Variants in SMC1B observed in about 807,000 individuals in gnomAD.
SMC1B encodes structural maintenance of chromosomes 1B, also known as structural maintenance of chromosomes protein 1B.
Under a neutral mutation model 157.9 loss-of-function variants are expected in SMC1B, and 60 were observed. That is an observed-to-expected ratio of 0.38 (90% CI 0.31 to 0.47). The LOEUF (loss-of-function observed/expected upper bound fraction) is 0.47, where lower values mean the gene tolerates loss of function less well. Ranked by LOEUF, SMC1B falls within the 20% of genes least tolerant of loss-of-function variation. The pLI, the probability that SMC1B is intolerant of heterozygous loss-of-function variation, is 0.99. For missense variants in SMC1B, 1,165 were observed against 1,426.2 expected, an observed-to-expected ratio of 0.82 and a Z score of 2.95; for synonymous variants, 445 against 483.0, an observed-to-expected ratio of 0.92 and a Z score of 1.03.
intron 18 of SMC1B, 92 bp downstream of exon 18, chr22:45,359,713 A>C (rs2086702491): frequency 2.9e-6 from 4 of 1,393,682 alleles, no homozygotes; most frequent in Admixed American, 4.0e-5. Flanking sequence ...ACCACCCCTA[A>C]AGGGGCTACA....
At chr22:45,371,986 C>T (rs1036530830) in intron 13 of SMC1B, among the ~76,000 whole-genome samples, 169 bp downstream of exon 13, 17 of 150,824 alleles carry the variant, frequency 1.1e-4, no homozygotes, top group South Asian at 6.3e-4. Context: ...GAGGTTGCAG[C>T]GAACAGAAAT....
intron 19 of SMC1B, among the ~76,000 whole-genome samples, chr22:45,355,631 A>G (rs1331643657): frequency 6.6e-6 from 1 of 152,176 alleles, no homozygotes; most frequent in Non-Finnish European, 1.5e-5. Flanking sequence ...GACTTCTAAT[A>G]GGGCAAGCAT....
chr22:45,405,323 G>A (rs1569200085), intron 4 of SMC1B, among the ~76,000 whole-genome samples: 2 of 152,264 alleles, frequency 1.3e-5, no homozygotes, highest in South Asian at 4.1e-4. Context: ...CACTTTGGGA[G>A]GCCGAGGCAG....
chr22:45,393,983 T>G (rs944384360), intron 8 of SMC1B, 142 bp from the exon 9 acceptor site: 2 of 620,954 alleles, frequency 3.2e-6, no homozygotes, highest in Non-Finnish European at 5.5e-6. Flanking sequence ...GCAATAAACC[T>G]GACACCAAAC....
chr22:45,395,295 T>A (rs2087110457), intron 7 of SMC1B, among the ~76,000 whole-genome samples: 1 of 152,180 alleles, frequency 6.6e-6, no homozygotes, highest in African/African-American at 2.4e-5. Context: ...GGATGAGGAT[T>A]TCGGGAAAGT....
At chr22:45,409,564 C>CTAAATAAA (rs71770434) in intron 1 of SMC1B, among the ~76,000 whole-genome samples, 250 of 140,828 alleles carry the variant, frequency 1.8e-3, no homozygotes, top group Middle Eastern at 0.014. Context: ...GACTCCAACT[C>CTAAATAAA]TAAATAAATA....
rs760486299 is a variant in SMC1B at position 45,399,169 on chromosome 22, A to G, written c.1039T>C (p.Trp347Arg). 2 of 1,613,964 alleles carry G rather than the reference A, an allele frequency of 1.2e-6. No individual in the cohort carries two copies. The highest frequency in any genetic ancestry group is 1.7e-6 in the Non-Finnish European group (2 of 1,179,930). ...ETELADLDAA[W>R]RSFEKQIEEE... ...TCAATCTGCTTTTCAAAACTTCTCC[A>G]TGCAGCATCTAAATCAGCCAGCTCT... The change falls in exon 6 of 25, where the codon TGG becomes CGG. Residue 347 changes from tryptophan (W) to arginine (R), a missense_variant. By Grantham distance (101) the Trp-to-Arg change is moderately radical. Transcript: ENST00000357450.
chr22:45,381,342 A>C (rs1281370869), intron 12 of SMC1B, among the ~76,000 whole-genome samples: 1 of 152,130 alleles, frequency 6.6e-6, no homozygotes, highest in Non-Finnish European at 1.5e-5. Context: ...AGTAATTACA[A>C]GAGAAGACTG....
chr22:45,397,389 C>T (rs1486053359), intron 6 of SMC1B, among the ~76,000 whole-genome samples: 2 of 151,966 alleles, frequency 1.3e-5, no homozygotes, highest in East Asian at 1.9e-4. Flanking sequence ...TGGTAGCATG[C>T]GCCTGTAGAC....
At chr22:45,393,916 G>C (rs2087091635) in intron 8 of SMC1B, 75 bp from the exon 9 acceptor site, 1 of 1,000,850 alleles carries the variant, frequency 1.0e-6, no homozygotes. Flanking sequence ...ACATACTCCT[G>C]TCTGGCATTG....
intron 1 of SMC1B, 91 bp from the exon 2 acceptor site, chr22:45,408,989 A>C: frequency 2.9e-6 from 2 of 700,450 alleles, no homozygotes; most frequent in Middle Eastern, 3.8e-4. Flanking sequence ...ATCGAAGTGA[A>C]ATATAGCCAA....
chr22:45,369,100 TTTTG>T (rs2086804099), intron 15 of SMC1B, among the ~76,000 whole-genome samples: 1 of 152,118 alleles, frequency 6.6e-6, no homozygotes. Context: ...TGTCTCATTC[TTTTG>T]TTTTTTTTTT....
At chr22:45,377,601 T>TA (rs1372758045) in intron 12 of SMC1B, among the ~76,000 whole-genome samples, 1 of 151,252 alleles carries the variant, frequency 6.6e-6, no homozygotes, top group Non-Finnish European at 1.5e-5. Flanking sequence ...TCACCCACTG[T>TA]ACTCTAGCCT....
At chr22:45,391,278 T>C (rs2087056342) in intron 9 of SMC1B, among the ~76,000 whole-genome samples, 1 of 152,224 alleles carries the variant, frequency 6.6e-6, no homozygotes, top group South Asian at 2.1e-4. Flanking sequence ...CTAACTATAA[T>C]TATTCAGTAA....
chr22:45,369,160 G>C (rs1164902211), intron 15 of SMC1B, among the ~76,000 whole-genome samples: 1 of 151,702 alleles, frequency 6.6e-6, no homozygotes, highest in African/African-American at 2.4e-5. Flanking sequence ...GCAGTGGCAC[G>C]ATCTCGGCTC....
intron 12 of SMC1B, among the ~76,000 whole-genome samples, chr22:45,375,187 TTAAAA>T (rs1190759937): frequency 1.3e-5 from 2 of 152,200 alleles, no homozygotes; most frequent in Non-Finnish European, 2.9e-5. Context: ...AATCAGAAAC[TTAAAA>T]TAATGCAACC....
intron 1 of SMC1B, among the ~76,000 whole-genome samples, chr22:45,413,238 G>A (rs961756034): frequency 1.8e-4 from 27 of 152,138 alleles, no homozygotes; most frequent in African/African-American, 5.8e-4. Context: ...GACAAGGGTC[G>A]GGACCCCTGA....
intron 7 of SMC1B, among the ~76,000 whole-genome samples, chr22:45,395,265 A>G (rs1164672154): frequency 1.3e-5 from 2 of 152,210 alleles, no homozygotes; most frequent in African/African-American, 2.4e-5. Flanking sequence ...AGGCACCTGT[A>G]GGGCAACTAA....
rs1425188683 is a variant in SMC1B at position 45,373,823 on chromosome 22, TA to T, written c.2059-1532del. Among the ~76,000 whole-genome samples, 85 of 152,278 alleles carry T rather than the reference TA, an allele frequency of 5.6e-4. 3 individuals carry two copies. In the South Asian group the frequency reaches 0.017, roughly 30 times the overall value. On this transcript the variant is annotated intron_variant, in intron 12 of 24. Coordinates refer to ENST00000357450, the MANE Select transcript of SMC1B (RefSeq NM_148674.5). ...AAATAATCTAGGTAAATGATTAAAA[TA>T]ATTAGGCAAATGTGATGGGATAAAT...
Sources: allele counts gnomAD v4.1 joint callset (sites outside exome capture counted in the v4.1 genomes callset), GRCh38; gene constraint gnomAD v4.1.1; transcripts MANE v1.5; gene names NCBI Gene and HGNC (gene_info 2026-07-23, HGNC 2026-07-21).